Variants in SHISA9 observed in about 807,000 individuals in gnomAD.
The protein encoded by SHISA9 is protein shisa-9.
Under a neutral mutation model 38.0 loss-of-function variants are expected in SHISA9, and 13 were observed. The ratio of observed to expected loss-of-function variants is 0.34; its 90% confidence interval spans 0.22 to 0.54. The LOEUF is 0.54. Among genes scored for constraint, SHISA9 ranks in the 20% least tolerant of loss-of-function variants. SHISA9 has a pLI of 0.91. For synonymous variants in SHISA9, 275 were observed against 242.0 expected (o/e 1.14, Z -1.27); for missense variants, 538 against 575.8 (o/e 0.93, Z 0.67).
At chr16:13,147,181 A>G (rs1407923152) in intron 2 of SHISA9, among the ~76,000 whole-genome samples, 1 of 152,200 alleles carries the variant, frequency 6.6e-6, no homozygotes, top group Non-Finnish European at 1.5e-5. Context: ...CCTAGAAGAT[A>G]TGGTGACACG....
the SHISA9 span, among the ~76,000 whole-genome samples, chr16:13,516,573 G>C: frequency 2.0e-5 from 3 of 152,174 alleles, no homozygotes; most frequent in South Asian, 2.1e-4. Flanking sequence ...GCTGAGGTGG[G>C]TGGATTGCCT....
At chr16:12,963,189 T>C (rs2071933419) in intron 2 of SHISA9, among the ~76,000 whole-genome samples, 1 of 152,224 alleles carries the variant, frequency 6.6e-6, no homozygotes, top group African/African-American at 2.4e-5. Flanking sequence ...AGTTGTCAGC[T>C]GACAGTTTGT....
the SHISA9 span, among the ~76,000 whole-genome samples, chr16:13,385,244 T>G: frequency 6.7e-6 from 1 of 149,828 alleles, no homozygotes; most frequent in Non-Finnish European, 1.5e-5. Flanking sequence ...CAGTTTGGTG[T>G]TTTTTACAGA....
At chr16:13,143,868 C>T (rs2050424057) in intron 2 of SHISA9, among the ~76,000 whole-genome samples, 1 of 152,122 alleles carries the variant, frequency 6.6e-6, no homozygotes, top group African/African-American at 2.4e-5. Context: ...TATAGTTGAC[C>T]ATGGTGGGGA....
intron 2 of SHISA9, among the ~76,000 whole-genome samples, chr16:13,202,947 G>A (rs1033278805): frequency 1.3e-5 from 2 of 152,120 alleles, no homozygotes; most frequent in African/African-American, 4.8e-5. Context: ...GCTTTAAGAG[G>A]CCTCCCTGTG....
the SHISA9 span, among the ~76,000 whole-genome samples, chr16:13,308,790 G>A: frequency 2.6e-5 from 4 of 152,122 alleles, no homozygotes; most frequent in Non-Finnish European, 5.9e-5. Flanking sequence ...ATCCTCTTAG[G>A]GTTCCAACTG....
the SHISA9 span, among the ~76,000 whole-genome samples, chr16:13,384,960 G>A: frequency 0.012 from 1,845 of 152,172 alleles, 44 homozygotes; most frequent in African/African-American, 0.042. Context: ...CATAAAGAAT[G>A]CTCCAAACTC....
At chr16:13,474,456 TTAA>T in the SHISA9 span, 1 of 152,222 alleles carries the variant, frequency 6.6e-6, no homozygotes, top group Admixed American at 6.5e-5. Flanking sequence ...ATTATACCGT[TTAA>T]TCTTCAAAAC....
At chr16:13,204,093 T>C (rs1386525321) in intron 3 of SHISA9, among the ~76,000 whole-genome samples, 1 of 149,984 alleles carries the variant, frequency 6.7e-6, no homozygotes, top group Non-Finnish European at 1.5e-5. Flanking sequence ...ATTATCTATC[T>C]ATATCATCTG....
At chr16:12,996,675 C>G (rs1001278439) in intron 2 of SHISA9, among the ~76,000 whole-genome samples, 6 of 152,088 alleles carry the variant, frequency 3.9e-5, no homozygotes, top group Non-Finnish European at 8.8e-5. Flanking sequence ...TCCTCAGGGT[C>G]TTTGGATGTG....
the SHISA9 span, among the ~76,000 whole-genome samples, chr16:13,291,012 A>T: frequency 3.3e-5 from 5 of 152,150 alleles, no homozygotes; most frequent in African/African-American, 1.2e-4. Flanking sequence ...AGTACTGAAC[A>T]CACTATTTAA....
chr16:13,336,389 C>T, the SHISA9 span, among the ~76,000 whole-genome samples: 890 of 152,282 alleles, frequency 5.8e-3, 8 homozygotes, highest in Non-Finnish European at 7.7e-3. Context: ...TTGTTCAGTG[C>T]ACTGCAATTT....
At chr16:13,150,030 TAAAAAAAAAA>T (rs35012437) in intron 2 of SHISA9, among the ~76,000 whole-genome samples, 1 of 67,674 alleles carries the variant, frequency 1.5e-5, no homozygotes, top group African/African-American at 5.3e-5. Flanking sequence ...TCCTCATCAT[TAAAAAAAAAA>T]AAAAAAAAAA....
Position 13,213,305 on chromosome 16 carries a change from T to C in SHISA9, c.895+5T>C. On this transcript the variant is annotated splice_donor_5th_base_variant and intron_variant, in intron 4 of 4. Coordinates refer to ENST00000558583, the MANE Select transcript of SHISA9 (RefSeq NM_001145204.3). The stretch of plus-strand genomic sequence containing the variant: ...CGACACTTAAGTCACCAAAAGGTAC[T>C]GTACAGCTTTTTCTAGCTCTTTTGT... 6.4e-7 allele frequency: 1 copy of C among 1,551,678 alleles called. No individual in the cohort carries two copies. Among genetic ancestry groups the C allele is most frequent in the Non-Finnish European group, 8.7e-7 (1 of 1,146,808 alleles).
chr16:13,039,799 C>T (rs978699591), intron 2 of SHISA9, among the ~76,000 whole-genome samples: 2 of 152,096 alleles, frequency 1.3e-5, no homozygotes, highest in Admixed American at 6.6e-5. Context: ...GGAAGGAACA[C>T]GAGGGTTCTG....
chr16:13,105,546 C>T (rs56829355), intron 2 of SHISA9, among the ~76,000 whole-genome samples: 4 of 152,288 alleles, frequency 2.6e-5, no homozygotes, highest in African/African-American at 9.6e-5. Context: ...CCGCAGCCTC[C>T]CAATTAGACT....
At chr16:12,994,360 C>A (rs1400255819) in intron 2 of SHISA9, among the ~76,000 whole-genome samples, 1 of 152,190 alleles carries the variant, frequency 6.6e-6, no homozygotes, top group Non-Finnish European at 1.5e-5. Context: ...TGTCTCCTCT[C>A]CTTTGAAAGA....
chr16:13,298,096 G>T, the SHISA9 span, among the ~76,000 whole-genome samples: 2 of 152,172 alleles, frequency 1.3e-5, no homozygotes, highest in Non-Finnish European at 2.9e-5. Flanking sequence ...CCATGGACCT[G>T]CCAGGCTGCA....
the SHISA9 span, among the ~76,000 whole-genome samples, chr16:13,484,834 C>T: frequency 6.6e-6 from 1 of 152,098 alleles, no homozygotes; most frequent in Non-Finnish European, 1.5e-5. Context: ...CACCTGCTAT[C>T]ACAAGAACAG....
Sources: gnomAD v4.1 joint callset for allele counts (sites outside exome capture counted in the v4.1 genomes callset) on GRCh38, gnomAD v4.1.1 for gene constraint, MANE v1.5 for transcripts, NCBI Gene and HGNC (gene_info 2026-07-23, HGNC 2026-07-21) for gene names.